The following DTNA variants were observed in gnomAD, a reference collection of about 807,000 sequenced individuals.
The protein encoded by DTNA is dystrophin-related protein 3.
In DTNA, 43 loss-of-function variants were observed where a neutral mutation model predicts 100.7. The observed-to-expected ratio is 0.43, with a 90% CI of 0.33 to 0.55. The LOEUF (loss-of-function observed/expected upper bound fraction) is 0.55. DTNA is among the 20% of genes least tolerant of loss of function. The probability of loss-of-function intolerance (pLI) is 0.04; values close to 1 mark genes in which losing one functional copy is unlikely to be tolerated. For synonymous variants in DTNA, 349 were observed against 347.9 expected (o/e 1.00, Z -0.04); for missense variants, 798 against 953.9 (o/e 0.84, Z 2.15).
rs374355601 is a variant in DTNA, at chr18:34,669,293, G to A, written c.-1-86683G>A. Among the ~76,000 whole-genome samples the A allele has an allele frequency of 1.1e-3, 161 of 151,962 alleles. No homozygotes were observed. In the East Asian group the frequency reaches 0.014, roughly 13 times the overall value. ...CCATTTGCTTGGTAGATCTTCCTCC[G>A]TCCCTTTATTTTGAGCCTATGTGTG... On this transcript the variant is annotated intron_variant, in intron 1 of 19. Coordinates refer to the DTNA transcript ENST00000283365.
At chr18:34,866,292 A>T in intron 17 of DTNA, 1 of 1,517,264 alleles carries the variant, frequency 6.6e-7, no homozygotes, top group East Asian at 2.5e-5. Flanking sequence ...GCTTGAATTG[A>T]GATATATAAA....
chr18:34,614,656 T>C (rs1490575146), intron 1 of DTNA, among the ~76,000 whole-genome samples: 1 of 152,078 alleles, frequency 6.6e-6, no homozygotes, highest in Non-Finnish European at 1.5e-5. Flanking sequence ...GCAAAAGAAA[T>C]AGAATTAGAA....
At chr18:34,679,993 T>A (rs2077871845) in intron 1 of DTNA, among the ~76,000 whole-genome samples, 1 of 152,112 alleles carries the variant, frequency 6.6e-6, no homozygotes, top group Non-Finnish European at 1.5e-5. Flanking sequence ...TGAGACAAAA[T>A]TTTTGATGGC....
chr18:34,519,137 A>G (rs541606501), intron 1 of DTNA, among the ~76,000 whole-genome samples: 2 of 152,264 alleles, frequency 1.3e-5, no homozygotes, highest in Non-Finnish European at 1.5e-5. Flanking sequence ...ATTGAAGATA[A>G]TGATTTTGTT....
intron 17 of DTNA, chr18:34,867,009 A>G (rs1446402232): frequency 8.2e-7 from 1 of 1,219,280 alleles, no homozygotes; most frequent in Non-Finnish European, 1.0e-6. Flanking sequence ...AATTAAATTA[A>G]ATTAAATTAA....
chr18:34,804,141 T>A (rs1417524401), intron 4 of DTNA, among the ~76,000 whole-genome samples: 2 of 152,084 alleles, frequency 1.3e-5, no homozygotes, highest in African/African-American at 4.8e-5. Context: ...GCAGGGTGAA[T>A]AATGATATTG....
chr18:34,777,234 C>G (rs1457811023), intron 3 of DTNA, among the ~76,000 whole-genome samples: 1 of 152,152 alleles, frequency 6.6e-6, no homozygotes, highest in Non-Finnish European at 1.5e-5. Context: ...CTGACATATC[C>G]CCCATACCTG....
chr18:34,778,315 T>A (rs1044265306), intron 3 of DTNA, among the ~76,000 whole-genome samples: 3 of 152,230 alleles, frequency 2.0e-5, no homozygotes, highest in Non-Finnish European at 2.9e-5. Flanking sequence ...AAAAGACTTT[T>A]AAAAAGACAA....
intron 1 of DTNA, among the ~76,000 whole-genome samples, chr18:34,605,397 T>C (rs2052833956): frequency 1.3e-5 from 2 of 152,212 alleles, no homozygotes; most frequent in South Asian, 4.1e-4. Flanking sequence ...AAGAATGTAA[T>C]TAAAACAAAA....
chr18:34,497,134 G>T (rs1274310205), intron 1 of DTNA, among the ~76,000 whole-genome samples: 2 of 152,166 alleles, frequency 1.3e-5, no homozygotes, highest in Non-Finnish European at 2.9e-5. Flanking sequence ...CTTTCAAACT[G>T]AAAGAAGTAG....
intron 1 of DTNA, among the ~76,000 whole-genome samples, chr18:34,590,680 G>A (rs1429291636): frequency 6.6e-6 from 1 of 152,176 alleles, no homozygotes; most frequent in Non-Finnish European, 1.5e-5. Context: ...TAAATCAAGG[G>A]TATCTGATTT....
chr18:34,755,421 A>G, intron 1 of DTNA: 1 of 158,482 alleles, frequency 6.3e-6, no homozygotes, highest in Non-Finnish European at 1.4e-5. Context: ...TGCAAGTTCC[A>G]AACACTCAAC....
intron 22 of DTNA, among the ~76,000 whole-genome samples, chr18:34,885,483 A>T (rs1247329703): frequency 6.6e-6 from 1 of 152,214 alleles, no homozygotes; most frequent in Non-Finnish European, 1.5e-5. Context: ...TAGTGGTCTG[A>T]AGCTTAGGCG....
intron 1 of DTNA, among the ~76,000 whole-genome samples, chr18:34,704,314 A>G (rs1031470465): frequency 6.6e-6 from 1 of 152,220 alleles, no homozygotes; most frequent in Non-Finnish European, 1.5e-5. Flanking sequence ...TCACTCCTAC[A>G]TCTCATCTTG....
At chr18:34,819,862 T>C (rs949711088) in intron 8 of DTNA, among the ~76,000 whole-genome samples, 4 of 152,012 alleles carry the variant, frequency 2.6e-5, no homozygotes, top group African/African-American at 7.2e-5. Flanking sequence ...TTCATTATAT[T>C]ACCAATTATG....
At chr18:34,611,565 A>G (rs1422114582) in intron 1 of DTNA, among the ~76,000 whole-genome samples, 2 of 152,200 alleles carry the variant, frequency 1.3e-5, no homozygotes, top group African/African-American at 4.8e-5. Flanking sequence ...GACTCCAGGC[A>G]TACTCTGTAG....
chr18:34,806,118 C>T (rs575564943), intron 4 of DTNA, 101 bp from the exon 5 acceptor site: 2 of 1,003,152 alleles, frequency 2.0e-6, no homozygotes, highest in Admixed American at 1.9e-5. Flanking sequence ...GTGATTTCTA[C>T]AGAATAGAAA....
At chr18:34,684,039 G>A (rs982839224) in intron 1 of DTNA, among the ~76,000 whole-genome samples, 1 of 152,112 alleles carries the variant, frequency 6.6e-6, no homozygotes, top group African/African-American at 2.4e-5. Context: ...GGAAACACCT[G>A]ACATCAAAGA....
intron 1 of DTNA, among the ~76,000 whole-genome samples, chr18:34,689,595 G>A (rs2145806740): frequency 6.6e-6 from 1 of 152,336 alleles, no homozygotes; most frequent in East Asian, 1.9e-4. Flanking sequence ...CTGCTGGGAG[G>A]TGTCTCCCCA....
Sources: allele counts gnomAD v4.1 joint callset (sites outside exome capture counted in the v4.1 genomes callset), GRCh38; gene constraint gnomAD v4.1.1; transcripts MANE v1.5; gene names NCBI Gene and HGNC (gene_info 2026-07-23, HGNC 2026-07-21).